Variants in ARSG observed in about 807,000 individuals in gnomAD.
ARSG encodes the protein arylsulfatase G.
In ARSG, 37 loss-of-function variants were observed where a neutral mutation model predicts 50.5. That is an observed-to-expected ratio of 0.73 (90% confidence interval 0.56 to 0.96). The LOEUF is 0.96. ARSG is among the 50% of genes least tolerant of loss of function. ARSG has a pLI of 0.00. For missense variants in ARSG, 629 were observed against 675.3 expected (o/e 0.93, Z 0.76); for synonymous variants, 225 against 254.6 (o/e 0.88, Z 1.11).
the ARSG span, chr17:68,435,482 C>A: frequency 1.6e-5 from 13 of 825,628 alleles, no homozygotes; most frequent in Admixed American, 2.6e-4. Context: ...GCCAGAAATT[C>A]TCCCTCTGAA....
intron 1 of ARSG, among the ~76,000 whole-genome samples, chr17:68,292,933 G>T (rs1555756820): frequency 6.6e-6 from 1 of 152,202 alleles, no homozygotes; most frequent in African/African-American, 2.4e-5. Context: ...GGGGATGGAG[G>T]TGGTATTCCC....
At chr17:68,356,492 T>A (rs181235501) in intron 5 of ARSG, among the ~76,000 whole-genome samples, 175 bp from the exon 6 acceptor site, 2 of 152,208 alleles carry the variant, frequency 1.3e-5, no homozygotes, top group African/African-American at 4.8e-5. Context: ...TCAAAGGGAA[T>A]GGAAGAAAGC....
At chr17:68,285,853 C>G (rs2075829431) in intron 1 of ARSG, among the ~76,000 whole-genome samples, 1 of 151,988 alleles carries the variant, frequency 6.6e-6, no homozygotes, top group Non-Finnish European at 1.5e-5. Context: ...CTCCATCCCC[C>G]AGGTTCAAGC....
At chr17:68,353,031 A>G (rs748496751) in intron 5 of ARSG, among the ~76,000 whole-genome samples, 5 of 152,176 alleles carry the variant, frequency 3.3e-5, no homozygotes, top group Admixed American at 1.3e-4. Flanking sequence ...TCGTCTATCT[A>G]TAAAACAATA....
At chr17:68,445,713 A>G in the ARSG span, among the ~76,000 whole-genome samples, 9 of 152,352 alleles carry the variant, frequency 5.9e-5, no homozygotes, top group East Asian at 1.2e-3. Context: ...TTAAAGGAAT[A>G]TAACGCATAG....
Position 68,348,274 on chromosome 17 carries a change from T to G in ARSG, c.454+1102T>G, listed in dbSNP as rs138762293. On this transcript the variant is annotated intron_variant, in intron 4 of 11. Coordinates refer to ENST00000621439, the MANE Select transcript of ARSG (RefSeq NM_001267727.2). ...CTTGTTTCCTCCTTGGTCTTCAGTT[T>G]TCTCACTTGACAGTTGAGGGGTTGG... 4.6e-5 allele frequency among the ~76,000 whole-genome samples: 7 copies of G among 152,290 alleles called. No homozygotes were observed. In the East Asian group the frequency reaches 9.7e-4, roughly 21 times the overall value.
chr17:68,413,073 C>G (rs1455046819), intron 11 of ARSG, among the ~76,000 whole-genome samples: 5 of 151,908 alleles, frequency 3.3e-5, no homozygotes, highest in Non-Finnish European at 7.4e-5. Context: ...TGAATGTCCT[C>G]CCATAGCTCA....
intron 4 of ARSG, among the ~76,000 whole-genome samples, chr17:68,350,578 G>A (rs1471809979): frequency 6.6e-6 from 1 of 152,114 alleles, no homozygotes; most frequent in Non-Finnish European, 1.5e-5. Context: ...GAGGTCAGGA[G>A]ATTGAGACCA....
chr17:68,384,628 T>A (rs1265731193), intron 8 of ARSG, among the ~76,000 whole-genome samples: 1 of 152,214 alleles, frequency 6.6e-6, no homozygotes, highest in Non-Finnish European at 1.5e-5. Context: ...TCTTTAATAG[T>A]TGTATTTCTT....
At chr17:68,272,052 C>T (rs1359025242) in intron 1 of ARSG, among the ~76,000 whole-genome samples, 6 of 152,096 alleles carry the variant, frequency 3.9e-5, no homozygotes, top group East Asian at 3.9e-4. Context: ...CTGCCTGCCT[C>T]GGCCTCTCAA....
intron 11 of ARSG, among the ~76,000 whole-genome samples, chr17:68,419,786 C>T (rs1347461870): frequency 4.2e-5 from 6 of 142,582 alleles, no homozygotes; most frequent in African/African-American, 1.4e-4. Flanking sequence ...ATAGCGGGAC[C>T]CTGTCTCTGG....
intron 5 of ARSG, among the ~76,000 whole-genome samples, chr17:68,354,884 A>AACAAT (rs2078964742): frequency 6.6e-6 from 1 of 152,120 alleles, no homozygotes; most frequent in South Asian, 2.1e-4. Context: ...AACAAAACAA[A>AACAAT]AATTGTGGTT....
intron 1 of ARSG, among the ~76,000 whole-genome samples, chr17:68,302,008 T>C (rs1371063772): frequency 6.6e-6 from 1 of 152,174 alleles, no homozygotes; most frequent in Non-Finnish European, 1.5e-5. Context: ...ATTGATTTCA[T>C]TTCTCCCCTC....
intron 2 of ARSG, among the ~76,000 whole-genome samples, chr17:68,341,513 C>T (rs2078267743): frequency 6.6e-6 from 1 of 152,166 alleles, no homozygotes; most frequent in South Asian, 2.1e-4. Context: ...TAGATTGATT[C>T]CAACCTCTGT....
At chr17:68,263,782 A>T (rs1188755412) in intron 1 of ARSG, among the ~76,000 whole-genome samples, 2 of 152,244 alleles carry the variant, frequency 1.3e-5, no homozygotes, top group African/African-American at 4.8e-5. Flanking sequence ...ATGGCTTCTA[A>T]ACTCTAGTTC....
At chr17:68,426,464 C>A (rs540912272), downstream of ARSG, among the ~76,000 whole-genome samples, 28 of 152,230 alleles carry the variant, frequency 1.8e-4, no homozygotes, top group African/African-American at 6.7e-4. Context: ...AACTCCTGAG[C>A]CTAAGGGATC....
chr17:68,351,920 T>C (rs2078781264), intron 5 of ARSG, among the ~76,000 whole-genome samples: 1 of 152,150 alleles, frequency 6.6e-6, no homozygotes, highest in South Asian at 2.1e-4. Context: ...CCTCAGACTA[T>C]TGAGCTCAGC....
intron 4 of ARSG, among the ~76,000 whole-genome samples, chr17:68,348,611 G>T (rs2078616493): frequency 6.6e-6 from 1 of 152,144 alleles, no homozygotes; most frequent in African/African-American, 2.4e-5. Context: ...AGGCTAGAGT[G>T]CAGTGGCATG....
At chr17:68,352,321 A>C (rs1354093911) in intron 5 of ARSG, among the ~76,000 whole-genome samples, 1 of 147,170 alleles carries the variant, frequency 6.8e-6, no homozygotes, top group African/African-American at 2.5e-5. Flanking sequence ...AAATGGGAAA[A>C]TGCTTATGAT....
Sources: gnomAD v4.1 joint callset for allele counts (sites outside exome capture counted in the v4.1 genomes callset) on GRCh38, gnomAD v4.1.1 for gene constraint, MANE v1.5 for transcripts, NCBI Gene and HGNC (gene_info 2026-07-23, HGNC 2026-07-21) for gene names.